Variants in ABHD3 observed in about 807,000 individuals in gnomAD.
ABHD3 encodes abhydrolase domain containing 3, phospholipase, also known as phospholipase ABHD3.
Under a neutral mutation model 48.8 loss-of-function variants are expected in ABHD3, and 46 were observed. The observed-to-expected ratio is 0.94, with a 90% CI of 0.74 to 1.20. ABHD3 has a LOEUF of 1.20. Among genes scored for constraint, ABHD3 ranks in the 50% most tolerant of loss-of-function variants. The pLI, the probability that ABHD3 is intolerant of heterozygous loss-of-function variation, is 0.00. For synonymous variants in ABHD3, 192 were observed against 183.7 expected (o/e 1.04, Z -0.36); for missense variants, 490 against 497.8 (o/e 0.98, Z 0.15).
At chr18:21,691,899 T>C (rs2040259838) in intron 3 of ABHD3, among the ~76,000 whole-genome samples, 1 of 152,180 alleles carries the variant, frequency 6.6e-6, no homozygotes, top group Non-Finnish European at 1.5e-5. Flanking sequence ...ACTATCAACA[T>C]TTCAAAAAGC....
At chr18:21,689,424 C>T (rs1306384435) in intron 3 of ABHD3, among the ~76,000 whole-genome samples, 3 of 151,688 alleles carry the variant, frequency 2.0e-5, no homozygotes, top group African/African-American at 7.3e-5. Flanking sequence ...TGGCAGGCAC[C>T]TGTAATCCCA....
chr18:21,660,163 T>G lies in ABHD3; in HGVS notation c.669-820A>C, dbSNP rs1464218236. ...AAAAAAAAAATTTTTTTTTTTTTTT[T>G]GTAGAGATGAGGTCTCACTATGTTG... On this transcript the variant is annotated intron_variant, in intron 5 of 8. Transcript: ENST00000289119. Among the ~76,000 whole-genome samples the G allele has an allele frequency of 5.4e-5, 8 of 148,418 alleles. No homozygotes were observed. In the East Asian group the frequency reaches 1.6e-3, roughly 29 times the overall value.
intron 5 of ABHD3, among the ~76,000 whole-genome samples, chr18:21,660,230 A>G (rs2039460591): frequency 6.8e-6 from 1 of 147,304 alleles, no homozygotes; most frequent in African/African-American, 2.5e-5. Context: ...GTAAATGACT[A>G]CTGATGTCTA....
chr18:21,692,026 A>G (rs1369483569), intron 3 of ABHD3, among the ~76,000 whole-genome samples: 2 of 152,198 alleles, frequency 1.3e-5, no homozygotes, highest in African/African-American at 4.8e-5. Context: ...ATCTCAGCTC[A>G]CTGCAACCTG....
chr18:21,664,316 G>A (rs2039572809), intron 4 of ABHD3, 86 bp from the exon 5 acceptor site: 1 of 1,237,232 alleles, frequency 8.1e-7, no homozygotes, highest in Non-Finnish European at 1.1e-6. Context: ...GGAGCAAGGA[G>A]TCATACATAT....
At chr18:21,658,704 T>A (rs1430660476) in intron 6 of ABHD3, among the ~76,000 whole-genome samples, 1 of 152,234 alleles carries the variant, frequency 6.6e-6, no homozygotes, top group Non-Finnish European at 1.5e-5. Flanking sequence ...TTTTTATTTA[T>A]ATGCATTTAC....
At position 21,671,412 on chromosome 18, in the gene ABHD3, G is replaced by A. The variant is rs574597730; in HGVS notation, c.556-7182C>T. ...AGAATACACAGCAAAGACATTTATG[G>A]GGCAGTATATTGAATTGATAGGCTT... is the stretch of plus-strand genomic sequence containing the variant. On this transcript the variant is annotated intron_variant, in intron 4 of 8. Coordinates refer to ENST00000289119, the MANE Select transcript of ABHD3 (RefSeq NM_138340.5). 1.1e-3 allele frequency among the ~76,000 whole-genome samples: 172 copies of A among 152,232 alleles called. 3 individuals carry two copies. In the South Asian group the frequency reaches 0.033, roughly 29 times the overall value.
rs1009325323 is a variant in ABHD3, at chr18:21,664,526, A to C, written c.556-296T>G. On this transcript the variant is annotated intron_variant, in intron 4 of 8. Transcript: ENST00000289119. ...TTCAATTAAACAAAGTACCATACTC[A>C]AACGTGTCTCCAACTTAACCAGAGC... The C allele has an allele frequency of 2.9e-5, 7 of 237,502 alleles. No homozygotes were observed. The East Asian group carries it at 6.4e-4, about 22-fold the overall frequency. The allele number at this position is 237,502 out of a possible 1,614,324, so 14.7% of individuals were successfully genotyped here.
Position 21,659,289 on chromosome 18 carries a change from T to A in ABHD3, c.723A>T (p.Ala241=). 6.2e-7 allele frequency: 1 copy of A among 1,613,814 alleles called. No individual in the cohort carries two copies. Among genetic ancestry groups the A allele is most frequent in the South Asian group, 1.1e-5 (1 of 90,984 alleles). ...GKIGSKTPLM[A]AATFSVGWNT... is the part of the protein sequence containing the mutation. ...TCCAACCAACGGAAAAAGTTGCAGC[T>A]GCCATCAAAGGCGTTTTGGACCCAA... Residue 241 remains alanine (A), a synonymous_variant, in exon 6 of 9, where the codon GCA becomes GCT. Coordinates refer to ENST00000289119, the MANE Select transcript of ABHD3 (RefSeq NM_138340.5).
intron 8 of ABHD3, among the ~76,000 whole-genome samples, chr18:21,652,095 A>C (rs1486715901): frequency 6.6e-6 from 1 of 152,206 alleles, no homozygotes; most frequent in Non-Finnish European, 1.5e-5. Flanking sequence ...GTGAATCCTC[A>C]TAATAGGCTA....
chr18:21,653,052 CAAAAAA>C (rs745321830), intron 8 of ABHD3, among the ~76,000 whole-genome samples: 5 of 4,902 alleles, frequency 1.0e-3, no homozygotes, highest in South Asian at 8.5e-3. Context: ...GACTCCATCT[CAAAAAA>C]AAAAAAAAAA....
intron 4 of ABHD3, among the ~76,000 whole-genome samples, chr18:21,679,219 C>T (rs1161785837): frequency 6.6e-6 from 1 of 152,108 alleles, no homozygotes; most frequent in Non-Finnish European, 1.5e-5. Flanking sequence ...ATCAGAGTTC[C>T]TCTAGTATGA....
intron 3 of ABHD3, among the ~76,000 whole-genome samples, chr18:21,695,310 G>A (rs532289474): frequency 1.8e-4 from 27 of 152,332 alleles, no homozygotes; most frequent in South Asian, 4.1e-4. Flanking sequence ...GATTATAGGC[G>A]TGAGCCATCA....
chr18:21,663,321 G>GA (rs1159019119), intron 5 of ABHD3, among the ~76,000 whole-genome samples: 3 of 151,802 alleles, frequency 2.0e-5, no homozygotes, highest in Admixed American at 6.6e-5. Context: ...ATAAAATTAT[G>GA]AAAAAATATC....
In ABHD3 at chr18:21,659,164, A is replaced by C; in HGVS notation, c.842+6T>G. 1 of 1,610,028 alleles carries C rather than the reference A, an allele frequency of 6.2e-7. No homozygotes were observed. The highest frequency in any genetic ancestry group is 8.5e-7 in the Non-Finnish European group (1 of 1,178,514). On this transcript the variant is annotated splice_donor_region_variant and intron_variant, in intron 6 of 8. Coordinates refer to ENST00000289119, the MANE Select transcript of ABHD3 (RefSeq NM_138340.5). ...CTGGAGACAACAGATTTTAAAGATGACTCACTTATTAACTGAAGACTGAAG... is the reference window on the plus strand; with the variant it reads ...CTGGAGACAACAGATTTTAAAGATGCCTCACTTATTAACTGAAGACTGAAG...
intron 3 of ABHD3, among the ~76,000 whole-genome samples, chr18:21,693,204 G>A (rs2040292229): frequency 6.6e-6 from 1 of 152,134 alleles, no homozygotes; most frequent in African/African-American, 2.4e-5. Flanking sequence ...CACTTCTTAA[G>A]GTTTCATAGC....
At chr18:21,657,341 CT>C (rs1162753284) in intron 6 of ABHD3, among the ~76,000 whole-genome samples, 189 bp from the exon 7 acceptor site, 1,835 of 140,198 alleles carry the variant, frequency 0.013, 21 homozygotes, top group African/African-American at 0.031. Flanking sequence ...TCTTCAAGTA[CT>C]TTTTTTTTTT....
Position 21,683,968 on chromosome 18 carries a change from A to G in ABHD3, c.510-3T>C, listed in dbSNP as rs945455511. ...CTCTGTTGTTAAAAACCACACATCT[A>G]AAAACCAGGAAAGCAATTTTTGTTA... is the stretch of plus-strand genomic sequence containing the variant. On this transcript the variant is annotated splice_polypyrimidine_tract_variant and splice_region_variant and intron_variant, in intron 3 of 8. Transcript: ENST00000289119. 4.4e-6 allele frequency: 7 copies of G among 1,592,966 alleles called. No homozygotes were observed. In the East Asian group the frequency reaches 1.6e-4, roughly 36 times the overall value.
intron 4 of ABHD3, among the ~76,000 whole-genome samples, chr18:21,665,732 A>C (rs974891632): frequency 6.6e-6 from 1 of 151,776 alleles, no homozygotes; most frequent in Non-Finnish European, 1.5e-5. Flanking sequence ...GAATGGCGTG[A>C]ACCCGGGAGG....
Sources: allele counts gnomAD v4.1 joint callset (sites outside exome capture counted in the v4.1 genomes callset), GRCh38; gene constraint gnomAD v4.1.1; transcripts MANE v1.5; gene names NCBI Gene and HGNC (gene_info 2026-07-23, HGNC 2026-07-21).